Variants in SLC10A6 observed in about 807,000 individuals in gnomAD.
SLC10A6 encodes solute carrier family 10 member 6.
Under a neutral mutation model 30.0 loss-of-function variants are expected in SLC10A6, and 27 were observed. The ratio of observed to expected loss-of-function variants is 0.90; its 90% CI spans 0.66 to 1.24. The LOEUF is 1.24. Ranked by LOEUF, SLC10A6 falls within the 50% of genes most tolerant of loss-of-function variation. SLC10A6 has a pLI of 0.00. For missense variants in SLC10A6, 439 were observed against 457.0 expected (o/e 0.96, Z 0.36); for synonymous variants, 166 against 173.8 (o/e 0.95, Z 0.36).
rs1176728322 is a variant in SLC10A6, at chr4:86,842,710, AAGAAAAG to A, written c.377+6022_377+6028del. 9.3e-4 allele frequency among the ~76,000 whole-genome samples: 81 copies of A among 87,366 alleles called. 17 individuals carry two copies. The highest frequency in any genetic ancestry group is 3.4e-3 in the African/African-American group (74 of 22,056). The allele number at this position is 87,366 out of a possible 152,430, so 57.3% of individuals were successfully genotyped here. The stretch of plus-strand genomic sequence containing the variant: ...AAGACCCTGTCTCAAAAAAAAAAAA[AAGAAAAG>A]AAAAGAAAAGAAAAGAAAAGACAAG... On this transcript the variant is annotated intron_variant, in intron 1 of 5. Transcript: ENST00000273905.
chr4:86,832,497 C>T (rs1449256991), intron 2 of SLC10A6, among the ~76,000 whole-genome samples: 1 of 151,846 alleles, frequency 6.6e-6, no homozygotes, highest in African/African-American at 2.4e-5. Flanking sequence ...GTACCAGCTA[C>T]TCGGAAGGCT....
intron 1 of SLC10A6, among the ~76,000 whole-genome samples, chr4:86,837,193 G>T (rs1264378093): frequency 1.5e-5 from 2 of 137,518 alleles, no homozygotes; most frequent in Admixed American, 1.5e-4. Flanking sequence ...AAGAGCCCAT[G>T]GTGCATGTAG....
At chr4:86,837,935 G>A (rs34881728) in intron 1 of SLC10A6, among the ~76,000 whole-genome samples, 1 of 152,108 alleles carries the variant, frequency 6.6e-6, no homozygotes, top group Non-Finnish European at 1.5e-5. Flanking sequence ...CTTCTGCATA[G>A]ACAGAAGGTC....
chr4:86,836,629 T>A (rs1039549578), intron 1 of SLC10A6, among the ~76,000 whole-genome samples: 4 of 152,186 alleles, frequency 2.6e-5, no homozygotes, highest in Admixed American at 2.6e-4. Flanking sequence ...TCTCTATACA[T>A]TAACCAGTCT....
At chr4:86,843,912 C>T (rs1033574406) in intron 1 of SLC10A6, among the ~76,000 whole-genome samples, 1 of 152,134 alleles carries the variant, frequency 6.6e-6, no homozygotes, top group African/African-American at 2.4e-5. Context: ...GGCTCGGTGG[C>T]TCACACCGGT....
intron 2 of SLC10A6, 125 bp from the exon 3 acceptor site, chr4:86,832,005 G>C: frequency 3.9e-6 from 3 of 768,238 alleles, no homozygotes; most frequent in Non-Finnish European, 6.6e-6. Context: ...CACTTCCCAA[G>C]TCTGGATAAA....
intron 1 of SLC10A6, among the ~76,000 whole-genome samples, chr4:86,837,283 GAAAAAGA>G (rs1746209676): frequency 1.7e-4 from 16 of 92,280 alleles, no homozygotes; most frequent in Middle Eastern, 5.4e-3. Flanking sequence ...AAGAAAGAAA[GAAAAAGA>G]AAGGAAGGAA....
intron 1 of SLC10A6, chr4:86,837,692 T>C: frequency 6.9e-6 from 6 of 869,010 alleles, no homozygotes; most frequent in Non-Finnish European, 8.3e-6. Context: ...AAAGAATGCA[T>C]TAGTAAAATT....
intron 1 of SLC10A6, among the ~76,000 whole-genome samples, chr4:86,837,299 A>T (rs1746213460): frequency 1.0e-5 from 1 of 96,880 alleles, no homozygotes; most frequent in Non-Finnish European, 2.1e-5. Flanking sequence ...GAAAGGAAGG[A>T]AGGAAGGAAG....
At chr4:86,842,835 TTTC>T (rs1746321100) in intron 1 of SLC10A6, among the ~76,000 whole-genome samples, 1 of 55,568 alleles carries the variant, frequency 1.8e-5, no homozygotes, top group Non-Finnish European at 3.0e-5. Context: ...TCTTTCTTTC[TTTC>T]TTTCTTTCTT....
In SLC10A6 at chr4:86,837,531, A is replaced by C. The variant is rs896627417; in HGVS notation, c.378-4107T>G. 24 of 923,862 alleles carry C rather than the reference A, an allele frequency of 2.6e-5. No individual in the cohort carries two copies. The Admixed American group carries it at 3.1e-4, about 12-fold the overall frequency. 57.2% of individuals were successfully genotyped at this position (923,862 alleles called of 1,614,324 possible). ...CCCAAATGAAGGCTAAAAGCCAATA[A>C]AAATCAGGGAGGATGAGAACTGAAG... On this transcript the variant is annotated intron_variant, in intron 1 of 5. Coordinates refer to ENST00000273905, the MANE Select transcript of SLC10A6 (RefSeq NM_197965.3).
At position 86,824,036 on chromosome 4, in the gene SLC10A6, G is replaced by A. The variant is rs1488880103; in HGVS notation, c.920-134C>T. 2.2e-5 allele frequency: 16 copies of A among 741,390 alleles called. No individual in the cohort carries two copies. The Admixed American group carries it at 3.5e-4, about 16-fold the overall frequency. The allele number at this position is 741,390 out of a possible 1,614,324, so 45.9% of individuals were successfully genotyped here. A position where few individuals can be genotyped will look rare whatever the true frequency, so the allele number is the denominator to read the frequency against. Reference sequence around the variant, plus strand: ...ATGTATAAACACCCAGGGAAAAGAAGGGGGAAAGAGAGAAAGCTATAGAAC... The same window carrying A: ...ATGTATAAACACCCAGGGAAAAGAAAGGGGAAAGAGAGAAAGCTATAGAAC... On this transcript the variant is annotated intron_variant, in intron 5 of 5. Coordinates refer to ENST00000273905, the MANE Select transcript of SLC10A6 (RefSeq NM_197965.3).
intron 1 of SLC10A6, among the ~76,000 whole-genome samples, chr4:86,838,912 C>CAAA (rs149710895): frequency 3.4e-4 from 26 of 75,832 alleles, no homozygotes; most frequent in South Asian, 1.1e-3. Context: ...GACAGTGTCT[C>CAAA]AAAAAAAAAA....
At position 86,823,855 on chromosome 4, in the gene SLC10A6, T is replaced by C. The variant is rs1170673449; in HGVS notation, c.967A>G (p.Asn323Asp). The change falls in exon 6 of 6, where the codon AAC becomes GAC. Residue 323 changes from asparagine (N) to aspartate (D), a missense_variant. Coordinates refer to ENST00000273905, the MANE Select transcript of SLC10A6 (RefSeq NM_197965.3). Reference sequence around the variant, plus strand: ...TGGCAGACTTCTGTGCAACCTGAGTTCTTTTTTCCATGTTTGTTCTTCAAT... The same window carrying C: ...TGGCAGACTTCTGTGCAACCTGAGTCCTTTTTTCCATGTTTGTTCTTCAAT... ...RRLKNKHGKK[N>D]SGCTEVCHTR... The C allele has an allele frequency of 6.2e-7, 1 of 1,613,876 alleles. No homozygotes were observed. Among genetic ancestry groups the C allele is most frequent in the Admixed American group, 1.7e-5 (1 of 59,990 alleles).
At position 86,844,173 on chromosome 4, in the gene SLC10A6, G is replaced by A. The variant is rs577468935; in HGVS notation, c.377+4566C>T. Among the ~76,000 whole-genome samples the A allele has an allele frequency of 1.1e-4, 16 of 152,054 alleles. 1 individual carries two copies. The East Asian group carries it at 1.9e-3, about 18-fold the overall frequency. On this transcript the variant is annotated intron_variant, in intron 1 of 5. Transcript: ENST00000273905. The stretch of plus-strand genomic sequence containing the variant: ...AGCCTGGGTGACAGAGCGAGACTCC[G>A]TCTCAAAAAAAATCAAAATAAAAAT...
At chr4:86,841,391 T>A (rs1746285733) in intron 1 of SLC10A6, among the ~76,000 whole-genome samples, 1 of 152,236 alleles carries the variant, frequency 6.6e-6, no homozygotes, top group Non-Finnish European at 1.5e-5. Context: ...AGTGAATGCC[T>A]GTGAGTACAG....
chr4:86,844,918 ATCAC>A (rs1746367367), intron 1 of SLC10A6, among the ~76,000 whole-genome samples: 2 of 152,168 alleles, frequency 1.3e-5, no homozygotes, highest in African/African-American at 4.8e-5. Context: ...TTATAAAACC[ATCAC>A]TCACTATCAT....
Sources: gnomAD v4.1 joint callset for allele counts (sites outside exome capture counted in the v4.1 genomes callset) on GRCh38, gnomAD v4.1.1 for gene constraint, MANE v1.5 for transcripts, NCBI Gene and HGNC (gene_info 2026-07-23, HGNC 2026-07-21) for gene names.